Variants in UGT1A7 observed in about 807,000 individuals in gnomAD.
UGT1A7 encodes the protein UDP-glucuronosyltransferase 1A7.
In UGT1A7, 33 loss-of-function variants were observed where a neutral mutation model predicts 45.6. The ratio of observed to expected loss-of-function variants is 0.72; its 90% CI spans 0.55 to 0.97. The LOEUF is 0.97. Ranked by LOEUF, UGT1A7 falls within the 50% of genes least tolerant of loss-of-function variation. The pLI is 0.00. For missense variants in UGT1A7, 684 were observed against 666.2 expected (o/e 1.03, Z -0.29); for synonymous variants, 274 against 250.6 (o/e 1.09, Z -0.88).
chr2:233,745,596 G>T (rs1207233970), intron 1 of UGT1A7, among the ~76,000 whole-genome samples: 1 of 151,570 alleles, frequency 6.6e-6, no homozygotes, highest in Non-Finnish European at 1.5e-5. Context: ...ACCCGGACTT[G>T]GCACTTGGTA....
chr2:233,740,862 C>G (rs1413429391), intron 1 of UGT1A7: 1 of 151,810 alleles, frequency 6.6e-6, no homozygotes, highest in African/African-American at 2.4e-5. Flanking sequence ...TCTAAAAATT[C>G]TTTAAATAAA....
At chr2:233,752,806 A>T (rs1429691743) in intron 1 of UGT1A7, among the ~76,000 whole-genome samples, 1 of 152,230 alleles carries the variant, frequency 6.6e-6, no homozygotes, top group Non-Finnish European at 1.5e-5. Flanking sequence ...TGTAGAAGGA[A>T]CACTTCCCAT....
intron 1 of UGT1A7, among the ~76,000 whole-genome samples, chr2:233,703,952 G>A (rs1407087431): frequency 1.3e-5 from 2 of 151,648 alleles, no homozygotes; most frequent in African/African-American, 4.8e-5. Context: ...GTGCAGTGGT[G>A]TGATCTTGGC....
intron 1 of UGT1A7, among the ~76,000 whole-genome samples, chr2:233,747,024 C>T (rs773156337): frequency 2.0e-5 from 3 of 151,838 alleles, no homozygotes; most frequent in South Asian, 2.1e-4. Flanking sequence ...CGGTCTTTCC[C>T]GAAGTGGGAC....
At chr2:233,693,048 T>A in intron 1 of UGT1A7, 1 of 1,614,120 alleles carries the variant, frequency 6.2e-7, no homozygotes, top group South Asian at 1.1e-5. Context: ...TCTGCAGGGG[T>A]TTTCTTCTTA....
At chr2:233,690,331 G>A (rs1198972052) in intron 1 of UGT1A7, among the ~76,000 whole-genome samples, 3 of 152,164 alleles carry the variant, frequency 2.0e-5, no homozygotes, top group Non-Finnish European at 4.4e-5. Context: ...GGTCATACAA[G>A]GGTCTGAAAG....
chr2:233,713,639 C>A (rs772966162), intron 1 of UGT1A7: 2 of 1,613,978 alleles, frequency 1.2e-6, no homozygotes, highest in African/African-American at 2.7e-5. Flanking sequence ...ACATGCTCTA[C>A]CCTCTGGCCC....
chr2:233,692,498 G>C (rs2075098283), intron 1 of UGT1A7, among the ~76,000 whole-genome samples: 1 of 152,182 alleles, frequency 6.6e-6, no homozygotes, highest in Non-Finnish European at 1.5e-5. Context: ...GTAGGACTGA[G>C]CCCTTAACCT....
intron 1 of UGT1A7, among the ~76,000 whole-genome samples, chr2:233,732,245 G>A (rs1417876377): frequency 2.0e-5 from 3 of 152,190 alleles, no homozygotes; most frequent in Non-Finnish European, 4.4e-5. Context: ...TAGGTTGCCT[G>A]TTCACTCTGA....
chr2:233,757,608 A>G (rs1273740652), intron 1 of UGT1A7, among the ~76,000 whole-genome samples: 6 of 144,098 alleles, frequency 4.2e-5, no homozygotes, highest in Non-Finnish European at 9.0e-5. Flanking sequence ...AGATATGCAA[A>G]CTGCTAAAAG....
intron 1 of UGT1A7, among the ~76,000 whole-genome samples, chr2:233,730,968 A>T (rs552248982): frequency 2.6e-5 from 4 of 152,134 alleles, no homozygotes; most frequent in East Asian, 1.9e-4. Context: ...GTACTCTGGG[A>T]CCTGAATATT....
chr2:233,694,576 A>G (rs953285020), intron 1 of UGT1A7, among the ~76,000 whole-genome samples: 9 of 152,212 alleles, frequency 5.9e-5, no homozygotes, highest in Admixed American at 3.9e-4. Flanking sequence ...ATTTCAATGT[A>G]AATATTTACA....
intron 1 of UGT1A7, chr2:233,740,890 A>G (rs1162422597): frequency 6.6e-6 from 1 of 150,830 alleles, no homozygotes; most frequent in Non-Finnish European, 1.5e-5. Context: ...TGCAGGGACA[A>G]CATAGTAGGT....
intron 1 of UGT1A7, chr2:233,743,936 C>T (rs766652895): frequency 1.3e-5 from 17 of 1,355,746 alleles, no homozygotes; most frequent in Non-Finnish European, 1.7e-5. Context: ...CCAGAACGGC[C>T]CACCAGGCAC....
chr2:233,683,205 TC>T (rs1186091559), intron 1 of UGT1A7, among the ~76,000 whole-genome samples: 1 of 152,170 alleles, frequency 6.6e-6, no homozygotes, highest in African/African-American at 2.4e-5. Flanking sequence ...AATTGTCACT[TC>T]TATTTTATCA....
At position 233,718,744 on chromosome 2, in the gene UGT1A7, G is replaced by A. The variant is rs545172755; in HGVS notation, c.855+35952G>A. 901 of 1,612,042 alleles carry A rather than the reference G, an allele frequency of 5.6e-4. 10 individuals carry two copies. The South Asian group carries it at 9.2e-3, about 16-fold the overall frequency. On this transcript the variant is annotated intron_variant, in intron 1 of 4. Transcript: ENST00000373426. ...GATTTGCTAGGTGGCTCAATGACAA[G>A]GTAATTAAGGCGAAGGAAACAAATG...
chr2:233,724,349 A>C, intron 1 of UGT1A7, among the ~76,000 whole-genome samples: 2 of 126,484 alleles, frequency 1.6e-5, no homozygotes, highest in Non-Finnish European at 1.7e-5. Flanking sequence ...GACCCCCCCC[A>C]CCTCCCTCCC....
Position 233,772,595 on chromosome 2 carries a change from T to C in UGT1A7, c.*36T>C. On this transcript the variant is annotated 3_prime_UTR_variant, in exon 5 of 5. Transcript: ENST00000373426. ...GGAAATAAGGTAAAATTTTGAACCA[T>C]TCCCTAGTCATTTCCAAACTTGAAA... 1 of 1,596,790 alleles carries C rather than the reference T, an allele frequency of 6.3e-7. No homozygotes were observed. Among genetic ancestry groups the C allele is most frequent in the Non-Finnish European group, 8.5e-7 (1 of 1,170,806 alleles).
At chr2:233,719,141 G>C in intron 1 of UGT1A7, 1 of 1,614,274 alleles carries the variant, frequency 6.2e-7, no homozygotes, top group Non-Finnish European at 8.5e-7. Flanking sequence ...AACATCTTCT[G>C]AAGAGATATT....
Sources: allele counts gnomAD v4.1 joint callset (sites outside exome capture counted in the v4.1 genomes callset), GRCh38; gene constraint gnomAD v4.1.1; transcripts MANE v1.5; gene names NCBI Gene and HGNC (gene_info 2026-07-23, HGNC 2026-07-21).